CFLAR: variants seen among roughly 807,000 people sequenced by gnomAD.
The protein encoded by CFLAR is CASP8 and FADD like apoptosis regulator.
A neutral mutation model predicts 51.1 loss-of-function variants in CFLAR; 14 were observed. The observed-to-expected ratio is 0.27, with a 90% confidence interval of 0.18 to 0.43. The LOEUF (loss-of-function observed/expected upper bound fraction) is 0.43, where lower values mean the gene tolerates loss of function less well. Among genes scored for constraint, CFLAR ranks in the 20% least tolerant of loss-of-function variants. CFLAR has a pLI of 1.00. For missense variants in CFLAR, 390 were observed against 566.5 expected (o/e 0.69, Z 3.16); for synonymous variants, 210 against 211.6 (o/e 0.99, Z 0.06).
In CFLAR at chr2:201,173,069, T is replaced by C. The variant is rs1944103689; in HGVS notation, c.*9096T>C. 6.6e-6 allele frequency: 1 copy of C among 152,238 alleles called. No homozygotes were observed. The highest frequency in any genetic ancestry group is 6.5e-5 in the Admixed American group (1 of 15,276). The allele number at this position is 152,238 out of a possible 1,614,324, so 9.4% of individuals were successfully genotyped here. On this transcript the variant is annotated 3_prime_UTR_variant, in exon 10 of 10. Transcript: ENST00000309955. Reference sequence around the variant, plus strand: ...GTTTTTGAGACGGAGTCTCACTCTGTCGCCCAGGGTGGAGTGCAGTGGCGT... The same window carrying C: ...GTTTTTGAGACGGAGTCTCACTCTGCCGCCCAGGGTGGAGTGCAGTGGCGT...
intron 4 of CFLAR, chr2:201,137,497 T>C: frequency 3.3e-6 from 2 of 599,084 alleles, no homozygotes; most frequent in Non-Finnish European, 3.1e-6. Context: ...CTCCACCATC[T>C]CGCCCTGCAC....
At chr2:201,135,808 T>A (rs2050032131) in intron 3 of CFLAR, among the ~76,000 whole-genome samples, 164 bp from the exon 4 acceptor site, 1 of 152,078 alleles carries the variant, frequency 6.6e-6, no homozygotes. Flanking sequence ...TTATTTTTTG[T>A]AGAGATGGGG....
At chr2:201,157,253 T>G (rs1249897251) in intron 8 of CFLAR, among the ~76,000 whole-genome samples, 7 of 152,098 alleles carry the variant, frequency 4.6e-5, no homozygotes, top group Admixed American at 4.6e-4. Context: ...TGATCCTCCT[T>G]CCTTAGCCTC....
In CFLAR at chr2:201,128,549, T is replaced by C. The variant is rs529448421; in HGVS notation, c.-137-1180T>C. Among the ~76,000 whole-genome samples, 188 of 152,340 alleles carry C rather than the reference T, an allele frequency of 1.2e-3. 2 individuals carry two copies. The South Asian group carries it at 0.021, about 17-fold the overall frequency. ...AAATTTTTCTATTTATGTGTTTTTATTTTAAGATAGCTCAAATCTTTTGTG... is the reference window on the plus strand; with the variant it reads ...AAATTTTTCTATTTATGTGTTTTTACTTTAAGATAGCTCAAATCTTTTGTG... On this transcript the variant is annotated intron_variant, in intron 1 of 9. Transcript: ENST00000309955.
chr2:201,132,477 G>A (rs2049462755), intron 2 of CFLAR, among the ~76,000 whole-genome samples: 1 of 150,890 alleles, frequency 6.6e-6, no homozygotes, highest in Non-Finnish European at 1.5e-5. Context: ...AGCCACCAGT[G>A]AGTCAGGAGA....
In CFLAR at chr2:201,124,871, A is replaced by G. The variant is rs2048533932; in HGVS notation, c.-137-4858A>G. 6.6e-6 allele frequency among the ~76,000 whole-genome samples: 1 copy of G among 152,118 alleles called. No homozygotes were observed. The highest frequency in any genetic ancestry group is 6.5e-5 in the Admixed American group (1 of 15,274). On this transcript the variant is annotated intron_variant, in intron 1 of 9. Transcript: ENST00000309955. This position sits in a 1 kb window ranked among gnomAD's most constrained non-coding sequence, Gnocchi z 4.7. ...GCTCAGCCAAGGGAGAAGAGTTTCA[A>G]GGAGGGATGAATTAGCAGTGTCAGC... is the stretch of plus-strand genomic sequence containing the variant.
At chr2:201,159,319 T>A (rs1942714997) in intron 8 of CFLAR, among the ~76,000 whole-genome samples, 1 of 151,736 alleles carries the variant, frequency 6.6e-6, no homozygotes, top group Non-Finnish European at 1.5e-5. Flanking sequence ...ATAATTAATT[T>A]TTTTTTTTGA....
chr2:201,129,499 G>A, intron 1 of CFLAR: 1 of 382,712 alleles, frequency 2.6e-6, no homozygotes. Flanking sequence ...GAGTTCATCT[G>A]TTGTTTCATT....
rs745818325 is a variant in CFLAR, at chr2:201,149,023, A to C, written c.682A>C (p.Ile228Leu). 25 of 1,612,688 alleles carry C rather than the reference A, an allele frequency of 1.6e-5. No individual in the cohort carries two copies. The highest frequency in any genetic ancestry group is 2.7e-5 in the African/African-American group (2 of 74,922). The change falls in exon 7 of 10, where the codon ATT becomes CTT. Residue 228 changes from isoleucine (I) to leucine (L), a missense_variant. Coordinates refer to ENST00000309955, the MANE Select transcript of CFLAR (RefSeq NM_003879.7). The part of the protein sequence containing the change: ...GAQQEPVKKS[I>L]QESEAFLPQS... ...CCCAGAAGAACCAGTGAAGAAATCC[A>C]TTCAGGAATCAGAAGCTTTTTTGCC... is the stretch of plus-strand genomic sequence containing the variant.
chr2:201,136,618 C>T, intron 4 of CFLAR: 1 of 1,429,082 alleles, frequency 7.0e-7, no homozygotes, highest in South Asian at 1.5e-5. Flanking sequence ...ACTTGCATTC[C>T]TCATTGTCTT....
At chr2:201,149,582 GA>G in intron 7 of CFLAR, 171 bp from the exon 8 acceptor site, 3 of 538,936 alleles carry the variant, frequency 5.6e-6, no homozygotes, top group Non-Finnish European at 1.0e-5. Flanking sequence ...CCTAATAGAG[GA>G]AAAATTTGAT....
chr2:201,141,896 G>A (rs1057227746), intron 5 of CFLAR: 2 of 153,562 alleles, frequency 1.3e-5, no homozygotes, highest in East Asian at 1.9e-4. Context: ...AATTAGAAAT[G>A]CTTTTGGCAG....
rs1220612006 is a variant in CFLAR at position 201,171,487 on chromosome 2, C to CTG, written c.*7515_*7516dup. On this transcript the variant is annotated 3_prime_UTR_variant, in exon 10 of 10. Coordinates refer to ENST00000309955, the MANE Select transcript of CFLAR (RefSeq NM_003879.7). ...GACACAGGGATGAGATCAACACACA[C>CTG]TGGGGCCTGATGCAGGGGCCGTAGC... 6.6e-6 allele frequency: 1 copy of CTG among 152,060 alleles called. No homozygotes were observed. The highest frequency in any genetic ancestry group is 1.5e-5 in the Non-Finnish European group (1 of 68,008). The allele number at this position is 152,060 out of a possible 1,614,324, so 9.4% of individuals were successfully genotyped here.
intron 4 of CFLAR, 193 bp downstream of exon 4, chr2:201,136,300 C>T: frequency 1.3e-6 from 2 of 1,599,052 alleles, no homozygotes; most frequent in African/African-American, 1.3e-5. Context: ...ACTCCATTGC[C>T]CTGTATATTC....
At position 201,172,849 on chromosome 2, in the gene CFLAR, C is replaced by T. The variant is rs1409700689; in HGVS notation, c.*8876C>T. On this transcript the variant is annotated 3_prime_UTR_variant, in exon 10 of 10. Transcript: ENST00000309955. ...TTTTTTGCTATTATGGATGATGCTGCTATGAATATTCGTATATGAATTTTT... is the reference window on the plus strand; with the variant it reads ...TTTTTTGCTATTATGGATGATGCTGTTATGAATATTCGTATATGAATTTTT... 6.6e-6 allele frequency: 1 copy of T among 152,164 alleles called. No homozygotes were observed. The highest frequency in any genetic ancestry group is 2.4e-5 in the African/African-American group (1 of 41,434). 9.4% of individuals were successfully genotyped at this position (152,164 alleles called of 1,614,324 possible). A position where few individuals can be genotyped will look rare whatever the true frequency, so the allele number is the denominator to read the frequency against.
intron 2 of CFLAR, among the ~76,000 whole-genome samples, chr2:201,132,430 AATATAT>A (rs35648857): frequency 2.9e-5 from 4 of 137,962 alleles, no homozygotes; most frequent in African/African-American, 8.2e-5. Flanking sequence ...GGGGGGGAAA[AATATAT>A]ATATATATAT....
intron 1 of CFLAR, among the ~76,000 whole-genome samples, chr2:201,128,299 G>A (rs995838107): frequency 2.6e-5 from 4 of 152,064 alleles, no homozygotes; most frequent in Non-Finnish European, 5.9e-5. Flanking sequence ...GATTTGGGCT[G>A]TCCAGAACAC....
intron 1 of CFLAR, among the ~76,000 whole-genome samples, chr2:201,127,545 A>G (rs1231871353): frequency 6.6e-6 from 1 of 152,048 alleles, no homozygotes; most frequent in Non-Finnish European, 1.5e-5. Flanking sequence ...TTTTATGTTA[A>G]TTTCTTGGCT....
chr2:201,163,587 C>A (rs565883435), intron 9 of CFLAR: 2 of 1,286,190 alleles, frequency 1.6e-6, no homozygotes, highest in East Asian at 3.5e-5. Context: ...CATAGATGAT[C>A]CACGTGGGTT....
Sources: gnomAD v4.1 joint callset for allele counts (sites outside exome capture counted in the v4.1 genomes callset) on GRCh38, gnomAD v4.1.1 for gene constraint, Gnocchi (gnomAD v3.1) non-coding constraint, MANE v1.5 for transcripts, NCBI Gene and HGNC (gene_info 2026-07-23, HGNC 2026-07-21) for gene names.